The following DLGAP2 variants were observed in gnomAD, a reference collection of about 807,000 sequenced individuals.
DLGAP2 encodes the protein disks large-associated protein 2.
Under a neutral mutation model 100.3 loss-of-function variants are expected in DLGAP2, and 26 were observed. The ratio of observed to expected loss-of-function variants is 0.26; its 90% CI spans 0.19 to 0.36. The LOEUF (loss-of-function observed/expected upper bound fraction) is 0.36. Ranked by LOEUF, DLGAP2 falls within the 10% of genes least tolerant of loss-of-function variation. DLGAP2 has a pLI of 1.00. For synonymous variants in DLGAP2, 886 were observed against 630.1 expected (o/e 1.41, Z -6.08); for missense variants, 1,858 against 1,453.2 (o/e 1.28, Z -4.53).
intron 12 of DLGAP2, among the ~76,000 whole-genome samples, chr8:1,689,522 T>C (rs1799202284): frequency 6.6e-6 from 1 of 152,242 alleles, no homozygotes; most frequent in Non-Finnish European, 1.5e-5. Flanking sequence ...CAGCTTCCCA[T>C]GGCTTCCTTC....
intron 2 of DLGAP2, among the ~76,000 whole-genome samples, chr8:1,078,995 G>A (rs750518245): frequency 6.6e-6 from 1 of 152,184 alleles, no homozygotes; most frequent in African/African-American, 2.4e-5. Flanking sequence ...TCTCCAATTT[G>A]GCTGCACCAT....
chr8:1,392,220 C>T (rs954925360), intron 3 of DLGAP2, among the ~76,000 whole-genome samples: 3 of 152,134 alleles, frequency 2.0e-5, no homozygotes, highest in African/African-American at 4.8e-5. Flanking sequence ...ATGGACGGGG[C>T]GGCCTTGAAG....
At chr8:817,432 G>A (rs996883625) in intron 1 of DLGAP2, among the ~76,000 whole-genome samples, 2 of 152,250 alleles carry the variant, frequency 1.3e-5, no homozygotes. Context: ...TCCTTGATTA[G>A]CTTAATAATT....
intron 3 of DLGAP2, among the ~76,000 whole-genome samples, chr8:1,446,469 G>C (rs1054444764): frequency 2.6e-5 from 4 of 152,156 alleles, no homozygotes; most frequent in Non-Finnish European, 4.4e-5. Flanking sequence ...TTTGGTACCA[G>C]TACCATGCTG....
intron 1 of DLGAP2, among the ~76,000 whole-genome samples, chr8:752,988 G>A (rs73523299): frequency 0.047 from 7,203 of 152,234 alleles, 576 homozygotes; most frequent in African/African-American, 0.17. Context: ...GTCATTGTGT[G>A]GTTACCACTT....
intron 2 of DLGAP2, among the ~76,000 whole-genome samples, chr8:1,169,463 T>C (rs1390214891): frequency 6.6e-6 from 1 of 152,196 alleles, no homozygotes; most frequent in Non-Finnish European, 1.5e-5. Context: ...ATCTATCAAT[T>C]ACCCTGGGCA....
At chr8:1,010,651 T>A (rs773455563) in intron 2 of DLGAP2, among the ~76,000 whole-genome samples, 27 of 152,232 alleles carry the variant, frequency 1.8e-4, no homozygotes, top group Admixed American at 6.5e-5. Context: ...GGGTGAGGCT[T>A]TTCCCATAGC....
chr8:990,317 T>TCCACCCCCATACTC (rs1800626284), intron 2 of DLGAP2, among the ~76,000 whole-genome samples: 3 of 146,864 alleles, frequency 2.0e-5, no homozygotes, highest in Admixed American at 6.7e-5. Flanking sequence ...CCAGACCCCC[T>TCCACCCCCATACTC]GCACCCCCAT....
chr8:1,683,461 G>A lies in DLGAP2; in HGVS notation c.2704+4832G>A, dbSNP rs372756991. Among the ~76,000 whole-genome samples the A allele has an allele frequency of 3.6e-4, 54 of 151,508 alleles. 2 individuals are homozygous for A. The highest frequency in any genetic ancestry group is 1.3e-3 in the South Asian group (6 of 4,794). On this transcript the variant is annotated intron_variant, in intron 12 of 14. Transcript: ENST00000637795. ...TGACCTCACAGAGCCTTCTGTGGCC[G>A]GGGCATTCCCCATACCCTGGGGGAT...
intron 2 of DLGAP2, among the ~76,000 whole-genome samples, chr8:1,084,520 C>T (rs982213395): frequency 5.3e-5 from 8 of 152,200 alleles, no homozygotes; most frequent in Non-Finnish European, 1.0e-4. Flanking sequence ...CCTCTGGGCA[C>T]CATTTCTCCC....
intron 6 of DLGAP2, among the ~76,000 whole-genome samples, chr8:1,590,317 G>A (rs137976945): frequency 3.1e-4 from 47 of 152,284 alleles, no homozygotes; most frequent in African/African-American, 9.9e-4. Flanking sequence ...AAGCAATCGC[G>A]TCGCCAGGAT....
intron 1 of DLGAP2, among the ~76,000 whole-genome samples, chr8:790,367 T>C (rs924483393): frequency 6.6e-6 from 1 of 152,224 alleles, no homozygotes; most frequent in Admixed American, 6.5e-5. Flanking sequence ...TGAAAAGATA[T>C]TTGTTGGGTC....
intron 12 of DLGAP2, among the ~76,000 whole-genome samples, chr8:1,690,359 AAAAT>A (rs563791474): frequency 6.6e-4 from 101 of 151,992 alleles, no homozygotes; most frequent in Non-Finnish European, 2.8e-4. Context: ...CCATCTCAAG[AAAAT>A]AAATAAATAA....
chr8:1,340,571 AAACAT>A (rs1394464074), intron 3 of DLGAP2, among the ~76,000 whole-genome samples: 2 of 152,204 alleles, frequency 1.3e-5, no homozygotes, highest in Non-Finnish European at 2.9e-5. Flanking sequence ...TAAAAAGTGA[AAACAT>A]AACAGATGCT....
intron 4 of DLGAP2, among the ~76,000 whole-genome samples, chr8:1,503,155 A>T (rs527351885): frequency 1.3e-4 from 20 of 152,106 alleles, no homozygotes; most frequent in Admixed American, 2.6e-4. Context: ...GCATTTTTTC[A>T]TCTTAGCCCT....
intron 2 of DLGAP2, among the ~76,000 whole-genome samples, chr8:930,108 A>T (rs1314674048): frequency 6.6e-6 from 1 of 152,164 alleles, no homozygotes; most frequent in African/African-American, 2.4e-5. Flanking sequence ...AAGGCTGAGA[A>T]TTCTGACTCA....
intron 2 of DLGAP2, among the ~76,000 whole-genome samples, chr8:1,131,966 C>T (rs909111609): frequency 1.3e-5 from 2 of 152,060 alleles, no homozygotes; most frequent in Non-Finnish European, 2.9e-5. Context: ...TAGAGAGGAT[C>T]GATGGTGTCT....
At chr8:864,065 G>A (rs957145063) in intron 1 of DLGAP2, among the ~76,000 whole-genome samples, 11 of 152,198 alleles carry the variant, frequency 7.2e-5, no homozygotes, top group African/African-American at 1.2e-4. Flanking sequence ...TAAACCCAGA[G>A]GACGCTTTGC....
chr8:1,336,244 T>C (rs963648799), intron 3 of DLGAP2, among the ~76,000 whole-genome samples: 3 of 152,230 alleles, frequency 2.0e-5, no homozygotes, highest in Admixed American at 1.3e-4. Context: ...ATTTTGAAGA[T>C]GCTGATTCAA....
Sources: allele counts gnomAD v4.1 joint callset (sites outside exome capture counted in the v4.1 genomes callset), GRCh38; gene constraint gnomAD v4.1.1; transcripts MANE v1.5; gene names NCBI Gene and HGNC (gene_info 2026-07-23, HGNC 2026-07-21).